FECH: variants seen among roughly 807,000 people sequenced by gnomAD.
The protein encoded by FECH is ferrochelatase.
FECH carries 40 observed loss-of-function variants against 56.9 expected under a neutral mutation model. The observed-to-expected ratio is 0.70, with a 90% CI of 0.55 to 0.92. The LOEUF (loss-of-function observed/expected upper bound fraction) is 0.92, where lower values mean the gene tolerates loss of function less well. Among genes scored for constraint, FECH ranks in the 40% least tolerant of loss-of-function variants. The pLI is 0.00. For synonymous variants in FECH, 175 were observed against 198.6 expected (o/e 0.88, Z 1.00); for missense variants, 431 against 529.1 (o/e 0.81, Z 1.82).
In FECH at chr18:57,580,179, C is replaced by T; in HGVS notation, c.88G>A (p.Val30Ile). The change falls in exon 2 of 11, where the codon GTC becomes ATC. Residue 30 changes from valine (V) to isoleucine (I), a missense_variant. Coordinates refer to ENST00000262093, the MANE Select transcript of FECH (RefSeq NM_000140.5). ...RDPLASSSWR[V>I]CQPWRWKSGA... is the part of the protein sequence containing the mutation. ...GACTTCCACCTCCATGGCTGACAGA[C>T]CCTCCAGCTGCTGGATGCCACTGTG... 6.2e-7 allele frequency: 1 copy of T among 1,614,194 alleles called. No individual in the cohort carries two copies. The highest frequency in any genetic ancestry group is 8.5e-7 in the Non-Finnish European group (1 of 1,180,030).
At chr18:57,585,180 T>A (rs558147033) in intron 1 of FECH, among the ~76,000 whole-genome samples, 1 of 152,310 alleles carries the variant, frequency 6.6e-6, no homozygotes, top group East Asian at 1.9e-4. Flanking sequence ...ACTTTGCTTT[T>A]CCACTTTTAC....
At chr18:57,553,410 C>A (rs763380334) in intron 9 of FECH, among the ~76,000 whole-genome samples, 1 of 152,180 alleles carries the variant, frequency 6.6e-6, no homozygotes, top group Non-Finnish European at 1.5e-5. Flanking sequence ...CCTACACCTG[C>A]TGCCCAGTCC....
Position 57,554,417 on chromosome 18 carries a change from G to A in FECH, c.920C>T (p.Pro307Leu), listed in dbSNP as rs34134387. Residue 307 changes from proline (P) to leucine (L), a missense_variant, in exon 9 of 11, where the codon CCA (proline) becomes CTA (leucine). Transcript: ENST00000262093. Reference sequence around the variant, plus strand: ...TGTTTGAGGACCCAACCAGGGCATTGGACCAACCTATGCGAAAGATAGACG... The same window carrying A: ...TGTTTGAGGACCCAACCAGGGCATTAGACCAACCTATGCGAAAGATAGACG... ...YRLVWQSKVGPMPWLGPQTDE... is the reference protein window; with the variant it reads ...YRLVWQSKVGLMPWLGPQTDE... 23 of 1,614,020 alleles carry A rather than the reference G, an allele frequency of 1.4e-5. No individual in the cohort carries two copies. The highest frequency in any genetic ancestry group is 4.5e-5 in the East Asian group (2 of 44,884).
rs962527360 is a variant in FECH, at chr18:57,546,077, G to A, written c.*4635C>T. Among the ~76,000 whole-genome samples, 1 of 152,150 alleles carries A rather than the reference G, an allele frequency of 6.6e-6. No homozygotes were observed. Among genetic ancestry groups the A allele is most frequent in the African/African-American group, 2.4e-5 (1 of 41,436 alleles). On this transcript the variant is annotated 3_prime_UTR_variant, in exon 11 of 11. Coordinates refer to ENST00000262093, the MANE Select transcript of FECH (RefSeq NM_000140.5). ...TAATTTAGGGCATTAGTTTCCGGGT[G>A]AGCTCAGAATTTTCTTATTCCAGCT...
intron 1 of FECH, among the ~76,000 whole-genome samples, chr18:57,585,106 T>C (rs1483151533): frequency 6.6e-6 from 1 of 151,916 alleles, no homozygotes; most frequent in African/African-American, 2.4e-5. Flanking sequence ...AGACAGATAA[T>C]ATATGGCCCA....
intron 2 of FECH, among the ~76,000 whole-genome samples, chr18:57,574,236 G>A (rs1175531426): frequency 6.6e-6 from 1 of 152,136 alleles, no homozygotes; most frequent in Non-Finnish European, 1.5e-5. Context: ...TCAGGAGCCT[G>A]CCTCGGCCTC....
At chr18:57,563,043 T>C (rs2050966525) in intron 5 of FECH, 63 bp from the exon 6 acceptor site, 1 of 1,321,182 alleles carries the variant, frequency 7.6e-7, no homozygotes, top group East Asian at 2.4e-5. Context: ...AAAAACAGAC[T>C]CGTAAAGGTA....
chr18:57,555,468 C>T (rs115242651), intron 7 of FECH, among the ~76,000 whole-genome samples: 1 of 152,294 alleles, frequency 6.6e-6, no homozygotes, highest in African/African-American at 2.4e-5. Context: ...GTGTGACCTG[C>T]ACCTTCCACT....
chr18:57,557,234 T>G (rs1290210506), intron 7 of FECH, among the ~76,000 whole-genome samples: 1 of 152,214 alleles, frequency 6.6e-6, no homozygotes, highest in Non-Finnish European at 1.5e-5. Context: ...TAATCAGTTT[T>G]CTGTAAGTCT....
intron 2 of FECH, among the ~76,000 whole-genome samples, chr18:57,575,468 G>C (rs2051172474): frequency 6.6e-6 from 1 of 151,628 alleles, no homozygotes. Context: ...TTTGAGACAG[G>C]GTCTCACTCT....
At chr18:57,554,735 G>T in intron 8 of FECH, 110 bp downstream of exon 8, 1 of 892,722 alleles carries the variant, frequency 1.1e-6, no homozygotes, top group Non-Finnish European at 1.8e-6. Context: ...GAGCAATCAG[G>T]TTATGGAAGA....
At chr18:57,557,656 G>A (rs1411404306) in intron 7 of FECH, among the ~76,000 whole-genome samples, 1 of 152,142 alleles carries the variant, frequency 6.6e-6, no homozygotes, top group African/African-American at 2.4e-5. Flanking sequence ...AATTAGCCAG[G>A]CGTGGTTGCG....
rs1349015812 is a variant in FECH at position 57,554,306 on chromosome 18, G to A, written c.1031C>T (p.Thr344Met). The change falls in exon 9 of 11, where the codon ACG (threonine) becomes ATG (methionine). Residue 344 changes from threonine (T) to methionine (M), a missense_variant. Thr to Met is a moderately conservative substitution (Grantham distance 81, BLOSUM62 -1). Transcript: ENST00000262093. ...GTACTCGATGTCCAGCTCATACAGCGTTTCAATATGGTCACTGGTAAATGC... is the reference window on the plus strand; with the variant it reads ...GTACTCGATGTCCAGCTCATACAGCATTTCAATATGGTCACTGGTAAATGC... Reference protein sequence around the residue: ...PIAFTSDHIETLYELDIEYSQ... With the variant: ...PIAFTSDHIEMLYELDIEYSQ... 1.6e-5 allele frequency: 26 copies of A among 1,614,082 alleles called. No individual in the cohort carries two copies. Among genetic ancestry groups the A allele is most frequent in the South Asian group, 3.3e-5 (3 of 91,090 alleles).
At chr18:57,556,575 G>A (rs1021887675) in intron 7 of FECH, among the ~76,000 whole-genome samples, 2 of 152,052 alleles carry the variant, frequency 1.3e-5, no homozygotes, top group East Asian at 1.9e-4. Context: ...ATGGAGGGAC[G>A]CACCAGAAAA....
Position 57,580,103 on chromosome 18 carries a change from C to T in FECH, c.164G>A (p.Gly55Asp). The change falls in exon 2 of 11, where the codon GGT becomes GAT. Residue 55 changes from glycine (G) to aspartate (D), a missense_variant. Physicochemically the swap from Gly to Asp is moderately conservative, Grantham distance 94. Transcript: ENST00000262093. ...CTGCGGTTGAACTTGAGGTTTTGCA[C>T]CCTGGGCATGCTGGGCTGTTTCTGT... is the stretch of plus-strand genomic sequence containing the variant. The part of the protein sequence containing the change: ...VTTETAQHAQ[G>D]AKPQVQPQKR... 1 of 1,614,098 alleles carries T rather than the reference C, an allele frequency of 6.2e-7. No individual in the cohort carries two copies. The highest frequency in any genetic ancestry group is 8.5e-7 in the Non-Finnish European group (1 of 1,180,036).
intron 1 of FECH, 102 bp from the exon 2 acceptor site, chr18:57,580,301 C>G (rs1368906372): frequency 4.2e-6 from 6 of 1,428,152 alleles, no homozygotes; most frequent in Non-Finnish European, 4.8e-6. Flanking sequence ...TTAAAGAGAT[C>G]CCATGGCAGA....
chr18:57,550,754 G>A lies in FECH; in HGVS notation c.1230C>T (p.Val410=). The part of the protein sequence containing the change: ...TLSCPLCVNP[V]CRETKSFFTS... ...TGAAGAAGGATTTAGTCTCCCTGCA[G>A]ACAGGATTGACACAGAGCGGACAGC... is the stretch of plus-strand genomic sequence containing the variant. The change falls in exon 11 of 11, where the codon GTC becomes GTT. Residue 410 remains valine (V), a synonymous_variant. Transcript: ENST00000262093. The A allele has an allele frequency of 6.2e-7, 1 of 1,614,160 alleles. No homozygotes were observed. The highest frequency in any genetic ancestry group is 8.5e-7 in the Non-Finnish European group (1 of 1,180,016).
At chr18:57,573,194 A>C in intron 3 of FECH, 52 bp downstream of exon 3, 1 of 1,566,740 alleles carries the variant, frequency 6.4e-7, no homozygotes, top group Admixed American at 1.7e-5. Flanking sequence ...ATTGAGAGAC[A>C]CATGTCAATG....
chr18:57,550,774 G>C lies in FECH; in HGVS notation c.1210C>G (p.Pro404Ala), dbSNP rs757452450. 5 of 1,614,168 alleles carry C rather than the reference G, an allele frequency of 3.1e-6. No homozygotes were observed. In the East Asian group the frequency reaches 8.9e-5, roughly 29 times the overall value. The change falls in exon 11 of 11, where the codon CCG becomes GCG. Residue 404 changes from proline to alanine, a missense_variant. Pro to Ala is a conservative substitution (Grantham distance 27, BLOSUM62 -1). Transcript: ENST00000262093. ...CTGCAGACAGGATTGACACAGAGCG[G>C]ACAGCTCAGGGTCAGCTGCTTGGAA... ...LCSKQLTLSC[P>A]LCVNPVCRET... is the part of the protein sequence containing the mutation.
Sources: gnomAD v4.1 joint callset for allele counts (sites outside exome capture counted in the v4.1 genomes callset) on GRCh38, gnomAD v4.1.1 for gene constraint, MANE v1.5 for transcripts, NCBI Gene and HGNC (gene_info 2026-07-23, HGNC 2026-07-21) for gene names.